Variants in MTIF3 observed in about 807,000 individuals in gnomAD.
MTIF3 encodes mitochondrial translational initiation factor 3.
A neutral mutation model predicts 20.7 loss-of-function variants in MTIF3; 13 were observed. The observed-to-expected ratio is 0.63, with a 90% CI of 0.41 to 1.00. MTIF3 has a LOEUF of 1.00. MTIF3 is among the 50% of genes least tolerant of loss of function. The probability of loss-of-function intolerance (pLI) is 0.00; values close to 1 mark genes in which losing one functional copy is unlikely to be tolerated. For synonymous variants in MTIF3, 114 were observed against 112.5 expected (o/e 1.01, Z -0.08); for missense variants, 295 against 324.5 (o/e 0.91, Z 0.70).
chr13:27,436,409 T>TA (rs199637855), intron 4 of MTIF3, among the ~76,000 whole-genome samples: 5,984 of 143,162 alleles, frequency 0.042, 169 homozygotes, highest in East Asian at 0.14. Context: ...ATCTAACTTT[T>TA]AAAAAAAAAA....
intron 1 of MTIF3, among the ~76,000 whole-genome samples, chr13:27,448,716 A>G (rs550363816): frequency 2.0e-5 from 3 of 152,348 alleles, no homozygotes; most frequent in South Asian, 4.1e-4. Flanking sequence ...AAAGCTTTTA[A>G]ACCCAGAGCT....
At chr13:27,444,903 A>T (rs186417485) in intron 2 of MTIF3, among the ~76,000 whole-genome samples, 185 bp downstream of exon 2, 1 of 152,004 alleles carries the variant, frequency 6.6e-6, no homozygotes, top group African/African-American at 2.4e-5. Context: ...GCATGAAGAG[A>T]CTCCCACTGG....
At chr13:27,439,953 T>G (rs547575230) in intron 3 of MTIF3, 36 bp downstream of exon 3, 1 of 1,581,194 alleles carries the variant, frequency 6.3e-7, no homozygotes, top group African/African-American at 1.3e-5. Context: ...TTTGTAGCTC[T>G]TAAAGGATTC....
At chr13:27,437,090 C>A (rs1953799852) in intron 4 of MTIF3, 26 bp downstream of exon 4, 1 of 1,607,440 alleles carries the variant, frequency 6.2e-7, no homozygotes, top group East Asian at 2.2e-5. Flanking sequence ...AAAGCACAAG[C>A]AGTGGCTTGT....
chr13:27,446,169 G>A (rs1954176778), intron 1 of MTIF3, among the ~76,000 whole-genome samples: 1 of 152,004 alleles, frequency 6.6e-6, no homozygotes, highest in South Asian at 2.1e-4. Flanking sequence ...TGATTCTCCT[G>A]CTTCAGCCTC....
At chr13:27,446,620 C>G (rs1338936223) in intron 1 of MTIF3, among the ~76,000 whole-genome samples, 5 of 152,184 alleles carry the variant, frequency 3.3e-5, no homozygotes, top group African/African-American at 1.2e-4. Context: ...TGTGTAAGTT[C>G]TAAATTTCAC....
chr13:27,436,163 T>G, intron 4 of MTIF3, among the ~76,000 whole-genome samples: 1 of 152,152 alleles, frequency 6.6e-6, no homozygotes, highest in South Asian at 2.1e-4. Flanking sequence ...CATTACCCTC[T>G]CCCACAAACA....
In MTIF3 at chr13:27,437,231, C is replaced by A; in HGVS notation, c.503G>T (p.Gly168Val). 2 of 1,613,902 alleles carry A rather than the reference C, an allele frequency of 1.2e-6. No individual in the cohort carries two copies. The highest frequency in any genetic ancestry group is 1.7e-6 in the Non-Finnish European group (2 of 1,180,018). The change falls in exon 4 of 5, where the codon GGA becomes GTA. Residue 168 changes from glycine to valine, a missense_variant. Transcript: ENST00000381120. Reference sequence around the variant, plus strand: ...AGTCTTTGTGTCCAAATCATGTTGTCCAATATTTGAAGACAAAATCAGTTC... The same window carrying A: ...AGTCTTTGTGTCCAAATCATGTTGTACAATATTTGAAGACAAAATCAGTTC... ...RKELILSSNI[G>V]QHDLDTKTKQ...
At chr13:27,449,431 G>A (rs1261592858) in intron 1 of MTIF3, among the ~76,000 whole-genome samples, 1 of 152,134 alleles carries the variant, frequency 6.6e-6, no homozygotes, top group Non-Finnish European at 1.5e-5. Context: ...ACCTTCGCCA[G>A]GCCAAAAGGC....
At chr13:27,443,685 A>C (rs1020490836) in intron 2 of MTIF3, among the ~76,000 whole-genome samples, 2 of 152,222 alleles carry the variant, frequency 1.3e-5, no homozygotes, top group African/African-American at 4.8e-5. Context: ...ATAAGAGCTA[A>C]AGTGCCTTGT....
At chr13:27,442,205 C>T (rs1265516998) in intron 2 of MTIF3, among the ~76,000 whole-genome samples, 1 of 152,210 alleles carries the variant, frequency 6.6e-6, no homozygotes, top group Non-Finnish European at 1.5e-5. Flanking sequence ...GCAACACATT[C>T]TTCTGGTTGC....
chr13:27,436,993 C>A, intron 4 of MTIF3, 123 bp downstream of exon 4: 1 of 903,744 alleles, frequency 1.1e-6, no homozygotes, highest in East Asian at 2.6e-5. Flanking sequence ...TCTCGTGATC[C>A]GCCCACCTTG....
intron 4 of MTIF3, among the ~76,000 whole-genome samples, chr13:27,436,745 A>ATTTTT (rs66903644): frequency 0.013 from 1,200 of 90,116 alleles, 33 homozygotes; most frequent in Non-Finnish European, 0.017. Flanking sequence ...ATTTTCTACA[A>ATTTTT]TTTTTTTTTT....
intron 3 of MTIF3, among the ~76,000 whole-genome samples, chr13:27,437,787 TGAG>T (rs776720679): frequency 2.0e-5 from 3 of 152,156 alleles, no homozygotes; most frequent in Admixed American, 6.5e-5. Flanking sequence ...TTGGGACAAT[TGAG>T]AAGTTTATAG....
At chr13:27,438,320 C>CAAA (rs36016925) in intron 3 of MTIF3, among the ~76,000 whole-genome samples, 5,038 of 54,754 alleles carry the variant, frequency 0.092, 1,194 homozygotes, top group Non-Finnish European at 0.12. Context: ...CCCATCTCTA[C>CAAA]AAAAAAAAAA....
chr13:27,440,746 A>G (rs576686013), intron 2 of MTIF3, among the ~76,000 whole-genome samples: 1 of 150,632 alleles, frequency 6.6e-6, no homozygotes, highest in East Asian at 1.9e-4. Context: ...TTCTGTACAC[A>G]TGATCTCATT....
At chr13:27,449,927 C>G (rs1432229672) in intron 1 of MTIF3, 7 of 152,334 alleles carry the variant, frequency 4.6e-5, no homozygotes, top group African/African-American at 1.7e-4. Context: ...CACTAAATGA[C>G]AAATGAGAAA....
At chr13:27,436,745 A>ATTTTTTTT (rs66903644) in intron 4 of MTIF3, among the ~76,000 whole-genome samples, 36 of 90,196 alleles carry the variant, frequency 4.0e-4, no homozygotes, top group Non-Finnish European at 5.8e-4. Context: ...ATTTTCTACA[A>ATTTTTTTT]TTTTTTTTTT....
intron 2 of MTIF3, among the ~76,000 whole-genome samples, chr13:27,443,473 T>C (rs1270837570): frequency 6.6e-6 from 1 of 152,246 alleles, no homozygotes; most frequent in Non-Finnish European, 1.5e-5. Flanking sequence ...CTATAAACTT[T>C]ATGTCTAAAA....
Sources: gnomAD v4.1 joint callset for allele counts (sites outside exome capture counted in the v4.1 genomes callset) on GRCh38, gnomAD v4.1.1 for gene constraint, MANE v1.5 for transcripts, NCBI Gene and HGNC (gene_info 2026-07-23, HGNC 2026-07-21) for gene names.